The following CWC27 variants were observed in gnomAD, a reference collection of about 807,000 sequenced individuals.
CWC27 encodes the protein spliceosome-associated protein CWC27 homolog.
A neutral mutation model predicts 63.6 loss-of-function variants in CWC27; 47 were observed. That is an observed-to-expected ratio of 0.74 (90% CI 0.58 to 0.94). The LOEUF (loss-of-function observed/expected upper bound fraction) is 0.94, where lower values mean the gene tolerates loss of function less well. Among genes scored for constraint, CWC27 ranks in the 40% least tolerant of loss-of-function variants. CWC27 has a pLI of 0.00. For missense variants in CWC27, 495 were observed against 554.3 expected, an observed-to-expected ratio of 0.89 and a Z score of 1.07; for synonymous variants, 175 against 179.8, an observed-to-expected ratio of 0.97 and a Z score of 0.22.
intron 10 of CWC27, among the ~76,000 whole-genome samples, chr5:64,877,513 TAAC>T (rs1746822255): frequency 6.6e-6 from 1 of 151,934 alleles, no homozygotes; most frequent in African/African-American, 2.4e-5. Context: ...TTGACATAGT[TAAC>T]AATAATGGAT....
At chr5:64,800,048 G>A (rs1744433755) in intron 7 of CWC27, among the ~76,000 whole-genome samples, 200 bp from the exon 8 acceptor site, 1 of 151,942 alleles carries the variant, frequency 6.6e-6, no homozygotes, top group African/African-American at 2.4e-5. Flanking sequence ...GAAAGAAAAG[G>A]TGTTTCTAAA....
chr5:64,894,585 A>G (rs1323773861), intron 11 of CWC27, among the ~76,000 whole-genome samples: 1 of 152,206 alleles, frequency 6.6e-6, no homozygotes, highest in Non-Finnish European at 1.5e-5. Flanking sequence ...GGAACACATC[A>G]ATTTCTGTCA....
intron 11 of CWC27, among the ~76,000 whole-genome samples, chr5:64,968,688 A>G (rs1749067825): frequency 6.6e-6 from 1 of 152,166 alleles, no homozygotes; most frequent in Admixed American, 6.5e-5. Context: ...ATTGCCAGAA[A>G]AAGAAAACTG....
chr5:64,905,835 C>T (rs1747624731), intron 11 of CWC27, among the ~76,000 whole-genome samples: 1 of 152,094 alleles, frequency 6.6e-6, no homozygotes, highest in Non-Finnish European at 1.5e-5. Context: ...CCCTGTCTCC[C>T]ACCCCATGAC....
At chr5:64,818,411 T>A (rs1745104969) in intron 10 of CWC27, among the ~76,000 whole-genome samples, 2 of 152,182 alleles carry the variant, frequency 1.3e-5, no homozygotes, top group African/African-American at 4.8e-5. Flanking sequence ...TTAGTTTTAT[T>A]AGTCATTACA....
chr5:65,017,265 G>A (rs113925696), intron 13 of CWC27, among the ~76,000 whole-genome samples: 56 of 152,182 alleles, frequency 3.7e-4, no homozygotes, highest in Admixed American at 9.2e-4. Flanking sequence ...AGGTTGCAGT[G>A]AGCCGAGATC....
At chr5:64,880,853 C>CTTTTTTTTTTTTT (rs571051416) in intron 10 of CWC27, among the ~76,000 whole-genome samples, 5 of 136,080 alleles carry the variant, frequency 3.7e-5, no homozygotes, top group South Asian at 2.3e-4. Flanking sequence ...TTATAAAAGC[C>CTTTTTTTTTTTTT]ATTTTTTTTT....
intron 7 of CWC27, among the ~76,000 whole-genome samples, chr5:64,799,358 C>T (rs930231860): frequency 7.9e-5 from 12 of 151,890 alleles, no homozygotes; most frequent in South Asian, 2.1e-4. Context: ...GAGGCTGAGG[C>T]GGGCAGATCA....
chr5:64,854,684 C>T (rs1746210090), intron 10 of CWC27, among the ~76,000 whole-genome samples: 1 of 152,192 alleles, frequency 6.6e-6, no homozygotes, highest in Admixed American at 6.5e-5. Context: ...AATAAAGACA[C>T]ATCTTAGAAA....
At chr5:64,858,910 G>T (rs181594477) in intron 10 of CWC27, among the ~76,000 whole-genome samples, 3 of 152,088 alleles carry the variant, frequency 2.0e-5, no homozygotes, top group African/African-American at 7.2e-5. Flanking sequence ...TTTTATCGAA[G>T]ATATGAAAAC....
rs1263719927 is a variant in CWC27, at chr5:64,824,737, T to TTC, written c.938+20352_938+20353insCT. Among the ~76,000 whole-genome samples, 3 of 143,526 alleles carry TTC rather than the reference T, an allele frequency of 2.1e-5. No individual in the cohort carries two copies. In the East Asian group the frequency reaches 6.1e-4, roughly 29 times the overall value. 94.2% of individuals were successfully genotyped at this position (143,526 alleles called of 152,430 possible). A position where few individuals can be genotyped will look rare whatever the true frequency, so the allele number is the denominator to read the frequency against. The stretch of plus-strand genomic sequence containing the variant: ...TGTTCCTTTCTTTTCTCTTTTTTTT[T>TTC]TTTTTTTTTTTTTGAGATGGAGTCT... On this transcript the variant is annotated intron_variant, in intron 10 of 13. Coordinates refer to ENST00000381070, the MANE Select transcript of CWC27 (RefSeq NM_005869.4).
At chr5:64,976,054 C>T (rs969004133) in intron 12 of CWC27, among the ~76,000 whole-genome samples, 1 of 151,794 alleles carries the variant, frequency 6.6e-6, no homozygotes, top group Non-Finnish European at 1.5e-5. Flanking sequence ...GGCCTCACAG[C>T]GAGACTCTGT....
chr5:64,968,198 C>G (rs1402384266), intron 11 of CWC27, among the ~76,000 whole-genome samples: 1 of 152,000 alleles, frequency 6.6e-6, no homozygotes, highest in African/African-American at 2.4e-5. Flanking sequence ...CTATTTCACG[C>G]TCTCTAAAAT....
intron 2 of CWC27, among the ~76,000 whole-genome samples, chr5:64,780,885 C>G (rs10059049): frequency 0.019 from 2,838 of 152,110 alleles, 72 homozygotes; most frequent in African/African-American, 0.054. Flanking sequence ...GAAGTAGTAT[C>G]TGATTGTGGT....
intron 11 of CWC27, among the ~76,000 whole-genome samples, chr5:64,902,347 C>T (rs940683574): frequency 6.6e-6 from 1 of 152,094 alleles, no homozygotes; most frequent in Non-Finnish European, 1.5e-5. Context: ...TATGACACCA[C>T]CTTTGTGTTT....
intron 11 of CWC27, among the ~76,000 whole-genome samples, chr5:64,892,159 AAC>A (rs1747254541): frequency 1.3e-5 from 2 of 152,178 alleles, no homozygotes; most frequent in African/African-American, 4.8e-5. Flanking sequence ...TTGCTGTCTT[AAC>A]ACAGTTTTCT....
intron 13 of CWC27, among the ~76,000 whole-genome samples, chr5:64,993,353 A>G (rs1051764637): frequency 2.6e-5 from 4 of 152,194 alleles, no homozygotes; most frequent in Non-Finnish European, 5.9e-5. Context: ...TTTGAAAAAA[A>G]GGCAAATGTT....
chr5:64,831,877 A>T (rs567072267), intron 10 of CWC27, among the ~76,000 whole-genome samples: 2 of 151,956 alleles, frequency 1.3e-5, no homozygotes, highest in Non-Finnish European at 2.9e-5. Flanking sequence ...CTGGATTCCT[A>T]TATCTGCCTC....
intron 1 of CWC27, among the ~76,000 whole-genome samples, chr5:64,769,529 C>T (rs1392542062): frequency 6.6e-6 from 1 of 152,120 alleles, no homozygotes; most frequent in African/African-American, 2.4e-5. Context: ...ATTCATTCTC[C>T]ATTTCTTCTA....
Sources: gnomAD v4.1 joint callset for allele counts (sites outside exome capture counted in the v4.1 genomes callset) on GRCh38, gnomAD v4.1.1 for gene constraint, MANE v1.5 for transcripts, NCBI Gene and HGNC (gene_info 2026-07-23, HGNC 2026-07-21) for gene names.